The following CNTLN variants were observed in gnomAD, a reference collection of about 807,000 sequenced individuals.
The protein encoded by CNTLN is centlein.
Under a neutral mutation model 180.0 loss-of-function variants are expected in CNTLN, and 212 were observed. The ratio of observed to expected loss-of-function variants is 1.18; its 90% CI spans 1.05 to 1.32. The LOEUF is 1.32. Among genes scored for constraint, CNTLN ranks in the 40% most tolerant of loss-of-function variants. CNTLN has a pLI of 0.00. For synonymous variants in CNTLN, 722 were observed against 563.1 expected (o/e 1.28, Z -3.99); for missense variants, 2,095 against 1,610.9 (o/e 1.30, Z -5.14).
intron 2 of CNTLN, among the ~76,000 whole-genome samples, chr9:17,146,597 A>G (rs1482346439): frequency 6.6e-6 from 1 of 152,152 alleles, no homozygotes; most frequent in Admixed American, 6.5e-5. Context: ...TTTACATGGA[A>G]CAGACCCTTA....
intron 5 of CNTLN, among the ~76,000 whole-genome samples, chr9:17,238,618 A>G (rs964649358): frequency 7.2e-5 from 11 of 152,176 alleles, no homozygotes; most frequent in African/African-American, 2.7e-4. Flanking sequence ...ACGACTGTCC[A>G]TAAAAATACA....
At chr9:17,264,739 T>G (rs1827278180) in intron 5 of CNTLN, among the ~76,000 whole-genome samples, 1 of 152,176 alleles carries the variant, frequency 6.6e-6, no homozygotes, top group Non-Finnish European at 1.5e-5. Context: ...GTAGTTCTCC[T>G]TGAAGAGGTC....
At chr9:17,210,394 C>A (rs1260907770) in intron 2 of CNTLN, among the ~76,000 whole-genome samples, 1 of 152,154 alleles carries the variant, frequency 6.6e-6, no homozygotes, top group Non-Finnish European at 1.5e-5. Context: ...GACATAAACT[C>A]ATCCTTTTTT....
At chr9:17,180,819 A>T (rs945356120) in intron 2 of CNTLN, among the ~76,000 whole-genome samples, 4 of 152,050 alleles carry the variant, frequency 2.6e-5, no homozygotes, top group African/African-American at 9.7e-5. Flanking sequence ...TGGTTATATT[A>T]TAGAATTGTG....
chr9:17,236,865 T>A (rs1825176927), intron 5 of CNTLN, among the ~76,000 whole-genome samples: 1 of 152,212 alleles, frequency 6.6e-6, no homozygotes, highest in South Asian at 2.1e-4. Context: ...ATATTTAGAA[T>A]CATTGGTTTT....
intron 6 of CNTLN, among the ~76,000 whole-genome samples, chr9:17,296,928 T>C (rs613966): frequency 0.17 from 25,137 of 152,184 alleles, 2,260 homozygotes; most frequent in South Asian, 0.28. Flanking sequence ...CGTATCTCTT[T>C]TATTCCTTCT....
At chr9:17,198,693 C>T (rs1392113779) in intron 2 of CNTLN, among the ~76,000 whole-genome samples, 1 of 151,534 alleles carries the variant, frequency 6.6e-6, no homozygotes, top group Admixed American at 6.6e-5. Flanking sequence ...CCCCACTCCC[C>T]AACAGGCCCC....
intron 2 of CNTLN, among the ~76,000 whole-genome samples, chr9:17,197,750 T>C (rs1035891745): frequency 2.0e-5 from 3 of 152,182 alleles, no homozygotes. Flanking sequence ...TATGATCCCA[T>C]GTATCCATTT....
In CNTLN at chr9:17,462,812, A is replaced by G. The variant is rs183319640; in HGVS notation, c.3307-104A>G. 114 of 437,102 alleles carry G rather than the reference A, an allele frequency of 2.6e-4. 1 individual carries two copies. In the Admixed American group the frequency reaches 4.7e-3, roughly 18 times the overall value. 27.1% of individuals were successfully genotyped at this position (437,102 alleles called of 1,614,324 possible). On this transcript the variant is annotated intron_variant, in intron 19 of 25. Transcript: ENST00000380647. Reference sequence around the variant, plus strand: ...ATATTCATTTTAATTATTGTTTACCATAATTATTGTAGAGGTATTCTTCTT... The same window carrying G: ...ATATTCATTTTAATTATTGTTTACCGTAATTATTGTAGAGGTATTCTTCTT...
intron 5 of CNTLN, among the ~76,000 whole-genome samples, chr9:17,249,678 T>C (rs1180979185): frequency 6.6e-6 from 1 of 151,926 alleles, no homozygotes; most frequent in Non-Finnish European, 1.5e-5. Flanking sequence ...CACATACTTG[T>C]GTATTTTCCT....
At chr9:17,380,721 T>C (rs974788671) in intron 13 of CNTLN, among the ~76,000 whole-genome samples, 7 of 152,332 alleles carry the variant, frequency 4.6e-5, no homozygotes, top group South Asian at 2.1e-4. Context: ...ATGTTCGTCA[T>C]TGAAAGTTGA....
chr9:17,464,036 T>G (rs945845476), intron 20 of CNTLN, among the ~76,000 whole-genome samples: 2 of 151,468 alleles, frequency 1.3e-5, no homozygotes, highest in Non-Finnish European at 3.0e-5. Flanking sequence ...GTGGATTGAA[T>G]CTCAAATTAT....
At chr9:17,181,225 A>G (rs144373152) in intron 2 of CNTLN, among the ~76,000 whole-genome samples, 7 of 151,470 alleles carry the variant, frequency 4.6e-5, no homozygotes, top group East Asian at 1.9e-4. Context: ...CGTTTTGTCT[A>G]TTTTCCATGT....
chr9:17,278,517 A>G (rs966523571), intron 6 of CNTLN, among the ~76,000 whole-genome samples: 4 of 152,136 alleles, frequency 2.6e-5, no homozygotes, highest in Non-Finnish European at 5.9e-5. Context: ...AACATTTCTC[A>G]TCAAATTTAT....
intron 18 of CNTLN, among the ~76,000 whole-genome samples, chr9:17,434,892 T>C (rs1829669606): frequency 6.6e-6 from 1 of 152,182 alleles, no homozygotes; most frequent in East Asian, 1.9e-4. Flanking sequence ...TTGGCCTCCA[T>C]AGTTTCAGTT....
chr9:17,359,850 A>C (rs1409232315), intron 12 of CNTLN, among the ~76,000 whole-genome samples: 1 of 151,040 alleles, frequency 6.6e-6, no homozygotes, highest in Admixed American at 6.6e-5. Context: ...CAGTGAGCCG[A>C]GATCTTGCCA....
intron 8 of CNTLN, 28 bp downstream of exon 8, chr9:17,309,280 T>G (rs750775780): frequency 1.3e-6 from 2 of 1,484,612 alleles, no homozygotes. Context: ...AAACTGTTAT[T>G]CAGTGTAATA....
At chr9:17,243,991 G>A (rs1825651932) in intron 5 of CNTLN, among the ~76,000 whole-genome samples, 1 of 151,944 alleles carries the variant, frequency 6.6e-6, no homozygotes, top group Admixed American at 6.6e-5. Context: ...GTGCTCCAGT[G>A]TTGGGTGCAT....
At chr9:17,476,077 T>G (rs981407935) in intron 23 of CNTLN, among the ~76,000 whole-genome samples, 6 of 152,276 alleles carry the variant, frequency 3.9e-5, no homozygotes, top group Middle Eastern at 3.4e-3. Flanking sequence ...TGTGTCACAT[T>G]TTGGTAACTA....
Sources: gnomAD v4.1 joint callset for allele counts (sites outside exome capture counted in the v4.1 genomes callset) on GRCh38, gnomAD v4.1.1 for gene constraint, MANE v1.5 for transcripts, NCBI Gene and HGNC (gene_info 2026-07-23, HGNC 2026-07-21) for gene names.